TATDN3: variants seen among roughly 807,000 people sequenced by gnomAD.
TATDN3 encodes the protein TatD DNase domain containing 3.
In TATDN3, 29 loss-of-function variants were observed where a neutral mutation model predicts 40.1. That is an observed-to-expected ratio of 0.72 (90% CI 0.54 to 0.99). The LOEUF is 0.99. Among genes scored for constraint, TATDN3 ranks in the 50% least tolerant of loss-of-function variants. TATDN3 has a pLI of 0.00. For missense variants in TATDN3, 309 were observed against 321.9 expected, an observed-to-expected ratio of 0.96 and a Z score of 0.31; for synonymous variants, 105 against 117.0, an observed-to-expected ratio of 0.90 and a Z score of 0.66.
In TATDN3 at chr1:212,815,006, G is replaced by A; in HGVS notation, c.682-7G>A. 1.9e-6 allele frequency: 3 copies of A among 1,610,858 alleles called. No homozygotes were observed. Among genetic ancestry groups the A allele is most frequent in the Non-Finnish European group, 2.5e-6 (3 of 1,178,858 alleles). On this transcript the variant is annotated splice_region_variant and splice_polypyrimidine_tract_variant and intron_variant, in intron 9 of 9. Coordinates refer to ENST00000366974, the MANE Select transcript of TATDN3 (RefSeq NM_001042552.3). ...TGTTTGACATGGTGTCTGCTGTCTT[G>A]TTTCAGGTACGGAATGAGCCCTGGA...
chr1:212,808,615 A>T (rs1279137687), intron 8 of TATDN3, among the ~76,000 whole-genome samples: 1 of 152,218 alleles, frequency 6.6e-6, no homozygotes, highest in African/African-American at 2.4e-5. Flanking sequence ...ACAACTCAAT[A>T]AAAAGACAAA....
intron 1 of TATDN3, 21 bp downstream of exon 1, chr1:212,792,008 A>G (rs2102417661): frequency 1.2e-6 from 2 of 1,613,184 alleles, no homozygotes; most frequent in Non-Finnish European, 1.7e-6. Context: ...GCGATACGGG[A>G]CCAGAGGGAG....
intron 7 of TATDN3, among the ~76,000 whole-genome samples, chr1:212,806,747 C>CT (rs1558083475): frequency 4.5e-5 from 2 of 43,976 alleles, no homozygotes; most frequent in Admixed American, 3.7e-4. Context: ...TCTCTCTCTC[C>CT]ATATATATAT....
chr1:212,797,690 A>C (rs1224948535), intron 4 of TATDN3: 1 of 152,892 alleles, frequency 6.5e-6, no homozygotes, highest in Non-Finnish European at 1.5e-5. Context: ...AAGTGATAGA[A>C]TATCTAGAAA....
Position 212,795,457 on chromosome 1 carries a change from G to A in TATDN3, c.99+330G>A, listed in dbSNP as rs547528344. ...AGATAATTTTTGTATTTTTAGTAGA[G>A]ACAGGGTTTCACCATGTTGGCCAGG... On this transcript the variant is annotated intron_variant, in intron 2 of 9. Transcript: ENST00000366974. Among the ~76,000 whole-genome samples the A allele has an allele frequency of 2.6e-4, 40 of 152,066 alleles. No individual in the cohort carries two copies. In the South Asian group the frequency reaches 7.9e-3, roughly 30 times the overall value.
At chr1:212,810,511 CAAAAAA>C (rs55912631) in intron 8 of TATDN3, among the ~76,000 whole-genome samples, 23 of 49,722 alleles carry the variant, frequency 4.6e-4, no homozygotes, top group Middle Eastern at 0.031. Flanking sequence ...GACTCTGTCT[CAAAAAA>C]AAAAAAAAAA....
At chr1:212,803,225 C>T (rs1662269063) in intron 5 of TATDN3, among the ~76,000 whole-genome samples, 2 of 151,178 alleles carry the variant, frequency 1.3e-5, no homozygotes, top group African/African-American at 2.4e-5. Flanking sequence ...TGGTACAATC[C>T]CAGCTGGAGT....
chr1:212,793,164 C>T (rs1661473392), intron 1 of TATDN3, among the ~76,000 whole-genome samples: 1 of 152,124 alleles, frequency 6.6e-6, no homozygotes, highest in African/African-American at 2.4e-5. Context: ...ATTTGGATTG[C>T]ATTTGAAGCA....
chr1:212,792,087 C>T, intron 1 of TATDN3, 100 bp downstream of exon 1: 1 of 1,203,888 alleles, frequency 8.3e-7, no homozygotes, highest in Non-Finnish European at 1.2e-6. Flanking sequence ...ACCCCATATC[C>T]CCCGCCCAGA....
intron 8 of TATDN3, among the ~76,000 whole-genome samples, chr1:212,811,521 C>G (rs938396438): frequency 3.9e-5 from 6 of 151,904 alleles, no homozygotes; most frequent in African/African-American, 1.5e-4. Context: ...ACCTCAGCCT[C>G]CCAAAGTACT....
At chr1:212,792,386 C>T (rs1017619640) in intron 1 of TATDN3, among the ~76,000 whole-genome samples, 1 of 150,974 alleles carries the variant, frequency 6.6e-6, no homozygotes, top group African/African-American at 2.4e-5. Flanking sequence ...AATCCCAGCA[C>T]TTTGGGAGGC....
At chr1:212,806,148 A>G (rs755330786) in intron 7 of TATDN3, among the ~76,000 whole-genome samples, 3 of 152,128 alleles carry the variant, frequency 2.0e-5, no homozygotes, top group Non-Finnish European at 4.4e-5. Context: ...CTGAGCAGCT[A>G]CCCTTTAATA....
chr1:212,797,329 A>C (rs1661846799), intron 4 of TATDN3, 133 bp downstream of exon 4: 5 of 683,902 alleles, frequency 7.3e-6, no homozygotes, highest in Non-Finnish European at 1.2e-5. Flanking sequence ...TTCTTTAACA[A>C]AGATGTTTGT....
intron 9 of TATDN3, among the ~76,000 whole-genome samples, chr1:212,813,066 T>A (rs1279530229): frequency 6.6e-6 from 1 of 152,200 alleles, no homozygotes; most frequent in Non-Finnish European, 1.5e-5. Context: ...TGAACGTAAC[T>A]AGCAGTATCT....
Position 212,804,507 on chromosome 1 carries a change from T to C in TATDN3, c.431+78T>C. The C allele has an allele frequency of 1.9e-6, 3 of 1,550,108 alleles. No homozygotes were observed. The South Asian group carries it at 3.4e-5, about 18-fold the overall frequency. ...TCAGAGTTCTCCTGAAATGGAACTC[T>C]ACATTTATTTTTCTCCAAACTACTT... On this transcript the variant is annotated intron_variant, in intron 6 of 9. Coordinates refer to ENST00000366974, the MANE Select transcript of TATDN3 (RefSeq NM_001042552.3).
At chr1:212,799,137 G>A (rs1662010111) in intron 4 of TATDN3, among the ~76,000 whole-genome samples, 1 of 152,180 alleles carries the variant, frequency 6.6e-6, no homozygotes, top group African/African-American at 2.4e-5. Flanking sequence ...GGCTCATATG[G>A]CTAGAGAAAG....
At chr1:212,805,361 T>G (rs112705166) in intron 7 of TATDN3, among the ~76,000 whole-genome samples, 192 of 152,310 alleles carry the variant, frequency 1.3e-3, no homozygotes, top group African/African-American at 4.5e-3. Flanking sequence ...GTTCAAGCTA[T>G]TCTTCTGCTT....
At chr1:212,801,146 C>A (rs1662153644) in intron 4 of TATDN3, among the ~76,000 whole-genome samples, 1 of 151,428 alleles carries the variant, frequency 6.6e-6, no homozygotes, top group South Asian at 2.1e-4. Context: ...GCTATGATCG[C>A]ACCACTGCAC....
In TATDN3 at chr1:212,796,532, CT is replaced by C; in HGVS notation, c.117del (p.Val40TrpfsTer46). 3.9e-6 allele frequency: 6 copies of C among 1,552,792 alleles called. No homozygotes were observed. Among genetic ancestry groups the C allele is most frequent in the Non-Finnish European group, 5.2e-6 (6 of 1,153,716 alleles). On this transcript the variant is annotated frameshift_variant, in exon 3 of 10. Coordinates refer to ENST00000366974, the MANE Select transcript of TATDN3 (RefSeq NM_001042552.3). LOFTEE classifies it high-confidence loss of function. ...EKAKKANVVA[L>X]VAVAEHSGEF... ...TTTTTTTCAGGCCAATGTTGTGGCC[CT>C]TGTGGCAGTTGCCGAACATTCAGGA...
Sources: gnomAD v4.1 joint callset for allele counts (sites outside exome capture counted in the v4.1 genomes callset) on GRCh38, gnomAD v4.1.1 for gene constraint, MANE v1.5 for transcripts, NCBI Gene and HGNC (gene_info 2026-07-23, HGNC 2026-07-21) for gene names.